Variants in CFAP210 observed in about 807,000 individuals in gnomAD.
CFAP210 encodes the protein cilia and flagella associated protein 210, also known as cilia- and flagella- associated protein 210.
At chr2:169,645,466 AAGCAGAT>A in the CFAP210 span, 3 of 174,062 alleles carry the variant, frequency 1.7e-5, 1 homozygote, top group South Asian at 4.2e-4. Context: ...AGTATAGGCA[AAGCAGAT>A]AAAGTTACCA....
At chr2:169,672,465 C>T in the CFAP210 span, among the ~76,000 whole-genome samples, 1 of 152,182 alleles carries the variant, frequency 6.6e-6, no homozygotes, top group African/African-American at 2.4e-5. Context: ...CCGTAGTGTT[C>T]AGTCGGAGTC....
chr2:169,670,639 C>T, the CFAP210 span, among the ~76,000 whole-genome samples: 1 of 152,130 alleles, frequency 6.6e-6, no homozygotes, highest in African/African-American at 2.4e-5. Context: ...CTGGAGAATC[C>T]ACTGTCACAT....
chr2:169,677,740 C>T, the CFAP210 span, among the ~76,000 whole-genome samples: 90,896 of 151,918 alleles, frequency 0.6, 27,856 homozygotes, highest in African/African-American at 0.73. Flanking sequence ...GAAAAAGAAA[C>T]AGGCATCCAG....
the CFAP210 span, among the ~76,000 whole-genome samples, chr2:169,666,347 A>G: frequency 6.6e-6 from 1 of 151,716 alleles, no homozygotes; most frequent in Non-Finnish European, 1.5e-5. Flanking sequence ...GGAGACAAGA[A>G]AAAACAAACA....
the CFAP210 span, among the ~76,000 whole-genome samples, chr2:169,651,497 C>T: frequency 6.6e-6 from 1 of 151,844 alleles, no homozygotes; most frequent in Non-Finnish European, 1.5e-5. Context: ...TGGGTTCAAG[C>T]GATTCTCCTG....
chr2:169,647,187 A>G, the CFAP210 span, among the ~76,000 whole-genome samples: 24 of 114,874 alleles, frequency 2.1e-4, no homozygotes, highest in Admixed American at 3.0e-4. Context: ...GATTGGAGAA[A>G]AAGTCAAAAA....
At chr2:169,685,216 C>G in the CFAP210 span, among the ~76,000 whole-genome samples, 1 of 152,230 alleles carries the variant, frequency 6.6e-6, no homozygotes, top group Non-Finnish European at 1.5e-5. Flanking sequence ...TACTATTTTA[C>G]ATTTCCACTA....
chr2:169,682,487 C>T, the CFAP210 span, among the ~76,000 whole-genome samples: 2 of 150,550 alleles, frequency 1.3e-5, no homozygotes, highest in Non-Finnish European at 3.0e-5. Context: ...ATTTTCTATA[C>T]ACACACACAC....
At chr2:169,671,232 A>T in the CFAP210 span, among the ~76,000 whole-genome samples, 1 of 152,068 alleles carries the variant, frequency 6.6e-6, no homozygotes, top group African/African-American at 2.4e-5. Context: ...ACCATATTCT[A>T]TCCCACTCTG....
At chr2:169,681,118 G>T in the CFAP210 span, 1 of 1,613,850 alleles carries the variant, frequency 6.2e-7, no homozygotes, top group Non-Finnish European at 8.5e-7. Context: ...ACCTGTCAAG[G>T]CTATCTTGAA....
At chr2:169,673,745 T>C in the CFAP210 span, among the ~76,000 whole-genome samples, 1 of 152,134 alleles carries the variant, frequency 6.6e-6, no homozygotes, top group Non-Finnish European at 1.5e-5. Flanking sequence ...AGATAGAACT[T>C]AGAGCAAAGG....
At chr2:169,681,285 G>T in the CFAP210 span, 1 of 1,344,336 alleles carries the variant, frequency 7.4e-7, no homozygotes, top group South Asian at 1.3e-5. Flanking sequence ...CAGTTTAAGT[G>T]ATATTCGTCT....
the CFAP210 span, chr2:169,674,657 T>C: frequency 2.5e-6 from 4 of 1,609,790 alleles, no homozygotes; most frequent in Admixed American, 6.8e-5. Context: ...AAAAGCTTTT[T>C]CAATGTTGAG....
the CFAP210 span, among the ~76,000 whole-genome samples, chr2:169,656,835 G>A: frequency 3.6e-4 from 55 of 151,436 alleles, no homozygotes; most frequent in African/African-American, 1.2e-3. Context: ...ATGGCGGTGG[G>A]TGCCTGTAAT....
chr2:169,647,107 T>G, the CFAP210 span, among the ~76,000 whole-genome samples: 10 of 152,082 alleles, frequency 6.6e-5, no homozygotes, highest in African/African-American at 2.4e-4. Flanking sequence ...AATTCAAAAT[T>G]CAGTTTACAT....
the CFAP210 span, among the ~76,000 whole-genome samples, chr2:169,655,600 T>C: frequency 2.9e-5 from 3 of 103,788 alleles, no homozygotes; most frequent in Non-Finnish European, 4.4e-5. Flanking sequence ...CTTTTTATAA[T>C]ACAAAAAATA....
At chr2:169,694,231 C>A in the CFAP210 span, 24 of 1,609,148 alleles carry the variant, frequency 1.5e-5, no homozygotes, top group African/African-American at 3.2e-4. Context: ...AGAAACAATC[C>A]CTGTCCCTGG....
the CFAP210 span, chr2:169,681,023 C>G: frequency 3.7e-6 from 6 of 1,613,606 alleles, no homozygotes; most frequent in Non-Finnish European, 4.2e-6. Context: ...TGTATTAGTC[C>G]AGTGTTTTAC....
chr2:169,653,959 G>T, the CFAP210 span: 2 of 1,105,916 alleles, frequency 1.8e-6, no homozygotes, highest in Non-Finnish European at 2.5e-6. Context: ...TCAAGTCACT[G>T]AATGCTCTAG....
Sources: allele counts gnomAD v4.1 joint callset (sites outside exome capture counted in the v4.1 genomes callset), GRCh38; gene constraint gnomAD v4.1.1; transcripts MANE v1.5; gene names NCBI Gene and HGNC (gene_info 2026-07-23, HGNC 2026-07-21).